Variants in SLC35D1 observed in about 807,000 individuals in gnomAD.
SLC35D1 encodes the protein solute carrier family 35 member D1, also known as nucleotide sugar transporter SLC35D1.
Under a neutral mutation model 46.7 loss-of-function variants are expected in SLC35D1, and 31 were observed. The ratio of observed to expected loss-of-function variants is 0.66; its 90% confidence interval spans 0.50 to 0.90. The LOEUF (loss-of-function observed/expected upper bound fraction) is 0.90. Ranked by LOEUF, SLC35D1 falls within the 40% of genes least tolerant of loss-of-function variation. The pLI is 0.00. For missense variants in SLC35D1, 397 were observed against 426.2 expected (o/e 0.93, Z 0.60); for synonymous variants, 195 against 164.6 (o/e 1.18, Z -1.41).
intron 5 of SLC35D1, 31 bp from the exon 6 acceptor site, chr1:67,049,881 A>G (rs1570646188): frequency 7.2e-7 from 1 of 1,386,548 alleles, no homozygotes. Context: ...AAATACACAC[A>G]TGACTTTATT....
At chr1:67,008,428 G>C (rs1373397153) in intron 11 of SLC35D1, 1 of 1,288,050 alleles carries the variant, frequency 7.8e-7, no homozygotes, top group Non-Finnish European at 1.0e-6. Flanking sequence ...AACTCACAGA[G>C]ACCTCTGTGG....
At chr1:67,030,323 C>T (rs1193373613) in intron 8 of SLC35D1, among the ~76,000 whole-genome samples, 1 of 152,188 alleles carries the variant, frequency 6.6e-6, no homozygotes, top group African/African-American at 2.4e-5. Context: ...TAAAACCTTT[C>T]CTCCAGCTCT....
At chr1:67,039,225 G>C (rs1417244817) in intron 8 of SLC35D1, among the ~76,000 whole-genome samples, 1 of 152,182 alleles carries the variant, frequency 6.6e-6, no homozygotes, top group Non-Finnish European at 1.5e-5. Context: ...ATAAAAAACT[G>C]ACTTGCCATG....
downstream of SLC35D1, among the ~76,000 whole-genome samples, chr1:66,994,568 C>A (rs983759253): frequency 1.3e-5 from 2 of 151,640 alleles, no homozygotes; most frequent in Admixed American, 6.6e-5. Flanking sequence ...CACTTGAACT[C>A]GGGAGGCAGA....
intron 7 of SLC35D1, among the ~76,000 whole-genome samples, chr1:67,046,250 G>A (rs982144102): frequency 3.9e-5 from 6 of 152,150 alleles, no homozygotes; most frequent in Admixed American, 1.3e-4. Flanking sequence ...AGCAGGCAAA[G>A]CCCCTGGCCA....
intron 10 of SLC35D1, 111 bp downstream of exon 10, chr1:67,020,258 T>C: frequency 2.7e-6 from 2 of 735,172 alleles, no homozygotes; most frequent in Non-Finnish European, 5.0e-6. Flanking sequence ...ACTAAGACAG[T>C]ATGTGAGGAA....
intron 8 of SLC35D1, among the ~76,000 whole-genome samples, chr1:67,022,565 G>C (rs1667831305): frequency 6.6e-6 from 1 of 152,104 alleles, no homozygotes. Context: ...TAGAGCTCTT[G>C]TCTCTTCGAA....
At chr1:67,006,522 T>G (rs144372858) in intron 11 of SLC35D1, among the ~76,000 whole-genome samples, 102 of 152,326 alleles carry the variant, frequency 6.7e-4, no homozygotes, top group African/African-American at 2.4e-3. Context: ...TGCTTTCTTA[T>G]TTTTCCTGTT....
chr1:67,053,780 G>C (rs1332351840), intron 1 of SLC35D1, 31 bp downstream of exon 1: 1 of 1,522,512 alleles, frequency 6.6e-7, no homozygotes, highest in East Asian at 2.7e-5. Flanking sequence ...CTCCTCCTCC[G>C]CGGCCTGGGC....
the SLC35D1 span, among the ~76,000 whole-genome samples, chr1:66,974,574 A>AT: frequency 6.6e-6 from 1 of 152,042 alleles, no homozygotes; most frequent in Non-Finnish European, 1.5e-5. Context: ...GACCAATATG[A>AT]TTTTTTTAAA....
chr1:66,994,694 A>G (rs1337760904), downstream of SLC35D1, among the ~76,000 whole-genome samples: 1 of 152,076 alleles, frequency 6.6e-6, no homozygotes, highest in Non-Finnish European at 1.5e-5. Flanking sequence ...GGTGAAGTCT[A>G]TTCAGCATCC....
chr1:66,986,062 G>C, the SLC35D1 span: 1 of 1,019,996 alleles, frequency 9.8e-7, no homozygotes, highest in Non-Finnish European at 1.2e-6. Flanking sequence ...AGAGGAGGGG[G>C]GTCAAGTGAT....
At chr1:67,045,296 T>C (rs1331895148) in intron 7 of SLC35D1, among the ~76,000 whole-genome samples, 4 of 152,270 alleles carry the variant, frequency 2.6e-5, no homozygotes. Flanking sequence ...TAAACATGTA[T>C]TATTACATCT....
chr1:66,995,023 A>T (rs186939359), downstream of SLC35D1, among the ~76,000 whole-genome samples: 1 of 151,956 alleles, frequency 6.6e-6, no homozygotes, highest in African/African-American at 2.4e-5. Flanking sequence ...TTTCTTTTCT[A>T]TGTAAAAAGA....
downstream of SLC35D1, among the ~76,000 whole-genome samples, chr1:66,999,098 T>C (rs1481962444): frequency 1.3e-5 from 2 of 152,196 alleles, no homozygotes; most frequent in Admixed American, 1.3e-4. Context: ...CTCTACTTGA[T>C]GAGTAAAGCT....
chr1:67,019,535 G>C (rs752116484), intron 10 of SLC35D1, among the ~76,000 whole-genome samples: 1 of 152,174 alleles, frequency 6.6e-6, no homozygotes, highest in Non-Finnish European at 1.5e-5. Flanking sequence ...ACTCTATTGA[G>C]ACTACAAAGA....
chr1:66,985,099 T>A, the SLC35D1 span: 45 of 1,253,686 alleles, frequency 3.6e-5, no homozygotes, highest in Non-Finnish European at 2.3e-5. Context: ...CTTTTAAGGG[T>A]ATTTTAAAAA....
chr1:67,038,923 C>G (rs765567084), intron 8 of SLC35D1, among the ~76,000 whole-genome samples: 1 of 151,822 alleles, frequency 6.6e-6, no homozygotes, highest in Non-Finnish European at 1.5e-5. Context: ...CTCACTGGGA[C>G]GAGTTTTTCA....
At chr1:67,051,395 G>A (rs1230717587) in intron 4 of SLC35D1, among the ~76,000 whole-genome samples, 2 of 152,284 alleles carry the variant, frequency 1.3e-5, no homozygotes, top group South Asian at 2.1e-4. Flanking sequence ...ACACACAACC[G>A]ATATGTACAC....
Sources: allele counts gnomAD v4.1 joint callset (sites outside exome capture counted in the v4.1 genomes callset), GRCh38; gene constraint gnomAD v4.1.1; transcripts MANE v1.5; gene names NCBI Gene and HGNC (gene_info 2026-07-23, HGNC 2026-07-21).